Variants in EMX1 observed in about 807,000 individuals in gnomAD.
The protein encoded by EMX1 is homeobox protein EMX1.
A neutral mutation model predicts 20.1 loss-of-function variants in EMX1; 10 were observed. That is an observed-to-expected ratio of 0.50 (90% CI 0.31 to 0.84). The LOEUF (loss-of-function observed/expected upper bound fraction) is 0.84. Among genes scored for constraint, EMX1 ranks in the 40% least tolerant of loss-of-function variants. The probability of loss-of-function intolerance (pLI) is 0.05; values close to 1 mark genes in which losing one functional copy is unlikely to be tolerated. For missense variants in EMX1, 424 were observed against 431.9 expected (o/e 0.98, Z 0.16); for synonymous variants, 250 against 200.4 (o/e 1.25, Z -2.09).
chr2:72,916,855 T>G (rs917843050), upstream of EMX1: 15 of 717,108 alleles, frequency 2.1e-5, no homozygotes, highest in Non-Finnish European at 3.1e-5. Context: ...GCACCGTGTC[T>G]GGGCACTGGA....
chr2:72,922,423 A>G (rs539691288), intron 1 of EMX1, among the ~76,000 whole-genome samples: 1 of 152,124 alleles, frequency 6.6e-6, no homozygotes, highest in South Asian at 2.1e-4. Flanking sequence ...CTATTCCACT[A>G]TCCCAAGTCA....
In EMX1 at chr2:72,934,702, T is replaced by A. The variant is rs1435103931; in HGVS notation, c.*748T>A. On this transcript the variant is annotated 3_prime_UTR_variant, in exon 3 of 3. Coordinates refer to ENST00000258106, the MANE Select transcript of EMX1 (RefSeq NM_004097.3). ...CTAGAGACTCTGGTGGCTTCTCCAG[T>A]TGAGGAGAAACCAGAGGAAAGGGGA... The A allele has an allele frequency of 6.6e-6, 1 of 152,010 alleles. No individual in the cohort carries two copies. Among genetic ancestry groups the A allele is most frequent in the Non-Finnish European group, 1.5e-5 (1 of 67,996 alleles). The allele number at this position is 152,010 out of a possible 1,614,324, so 9.4% of individuals were successfully genotyped here.
Position 72,930,267 on chromosome 2 carries a change from GTAAA to G in EMX1, c.706-3510_706-3507del, listed in dbSNP as rs1276391107. ...CTCATAGTCTGGTGAGGAGGCAGAC[GTAAA>G]TAAATAAATTAGTGCACAGTGGGGG... On this transcript the variant is annotated intron_variant, in intron 2 of 2. Transcript: ENST00000258106. The surrounding 1 kb of genome is among the most constrained non-coding windows in gnomAD (Gnocchi z 4.4). Among the ~76,000 whole-genome samples the G allele has an allele frequency of 6.6e-6, 1 of 152,200 alleles. No individual in the cohort carries two copies. Among genetic ancestry groups the G allele is most frequent in the East Asian group, 1.9e-4 (1 of 5,200 alleles).
At position 72,934,227 on chromosome 2, in the gene EMX1, T is replaced by C; in HGVS notation, c.*273T>C. 1 of 479,380 alleles carries C rather than the reference T, an allele frequency of 2.1e-6. No individual in the cohort carries two copies. The highest frequency in any genetic ancestry group is 3.7e-6 in the Non-Finnish European group (1 of 270,040). 29.7% of individuals were successfully genotyped at this position (479,380 alleles called of 1,614,324 possible). On this transcript the variant is annotated 3_prime_UTR_variant, in exon 3 of 3. Transcript: ENST00000258106. Reference sequence around the variant, plus strand: ...CAGCCTCCCAGCTGCTCTCCGTGTCTCCAATCTCCCTTTTGTTTTGATGCA... The same window carrying C: ...CAGCCTCCCAGCTGCTCTCCGTGTCCCCAATCTCCCTTTTGTTTTGATGCA...
Position 72,924,475 on chromosome 2 carries a change from C to T in EMX1, c.687C>T (p.Leu229=). 6.3e-7 allele frequency: 1 copy of T among 1,591,118 alleles called. No homozygotes were observed. Among genetic ancestry groups the T allele is most frequent in the Non-Finnish European group, 8.5e-7 (1 of 1,173,094 alleles). Residue 229 remains leucine (L), a synonymous_variant, in exon 2 of 3, where the codon CTC becomes CTT. Coordinates refer to ENST00000258106, the MANE Select transcript of EMX1 (RefSeq NM_004097.3). ...AGCGGAAGCAGCTGGCCGGCAGTCT[C>T]AGCCTCTCCGAGACGCAGGTAATCA... ...GAERKQLAGS[L]SLSETQVKVW...
Position 72,924,393 on chromosome 2 carries a change from C to T in EMX1, c.605C>T (p.Ser202Leu). 1.3e-6 allele frequency: 2 copies of T among 1,596,154 alleles called. No individual in the cohort carries two copies. Among genetic ancestry groups the T allele is most frequent in the African/African-American group, 1.3e-5 (1 of 74,996 alleles). The change falls in exon 2 of 3, where the codon TCG becomes TTG. Residue 202 changes from serine to leucine, a missense_variant. Ser to Leu is a moderately radical substitution (Grantham distance 145, BLOSUM62 -2). Coordinates refer to ENST00000258106, the MANE Select transcript of EMX1 (RefSeq NM_004097.3). ...CGGATCCGCACGGCCTTCTCGCCCT[C>T]GCAGCTGCTGCGGCTGGAGCGCGCC... ...PKRIRTAFSP[S>L]QLLRLERAFE...
chr2:72,925,544 G>A (rs759703116), intron 2 of EMX1: 1 of 1,288,142 alleles, frequency 7.8e-7, no homozygotes, highest in South Asian at 1.2e-5. Context: ...GCGAGAGGCC[G>A]GCTCCGCGGT....
Position 72,917,932 on chromosome 2 carries a change from C to CT in EMX1, c.80_81insT (p.Ala28SerfsTer231). On this transcript the variant is annotated frameshift_variant, in exon 1 of 3. Transcript: ENST00000258106. LOFTEE classifies it high-confidence loss of function. ...CTCCCCAGAGCCCGGCTGCCTCGCA[C>CT]AGCTCCCGCGGCTGCGACCATGTTC... 6.7e-7 allele frequency: 1 copy of CT among 1,485,944 alleles called. No homozygotes were observed. The allele number at this position is 1,485,944 out of a possible 1,614,324, so 92.0% of individuals were successfully genotyped here.
intron 2 of EMX1, among the ~76,000 whole-genome samples, chr2:72,932,050 A>T (rs1671295773): frequency 6.6e-6 from 1 of 152,204 alleles, no homozygotes; most frequent in South Asian, 2.1e-4. Context: ...CCTTGTGGCT[A>T]AGGCCTGTGC....
intron 1 of EMX1, among the ~76,000 whole-genome samples, chr2:72,919,311 TTTC>T (rs1671059046): frequency 6.8e-6 from 1 of 146,500 alleles, no homozygotes; most frequent in African/African-American, 2.6e-5. Flanking sequence ...GTTTTTTTCT[TTTC>T]TTTTTTTTTA....
chr2:72,917,866 G>T lies in EMX1; in HGVS notation c.14G>T (p.Gly5Val). 6.8e-7 allele frequency: 1 copy of T among 1,470,500 alleles called. No individual in the cohort carries two copies. Among genetic ancestry groups the T allele is most frequent in the Non-Finnish European group, 8.9e-7 (1 of 1,118,114 alleles). 91.1% of individuals were successfully genotyped at this position (1,470,500 alleles called of 1,614,324 possible). The change falls in exon 1 of 3, where the codon GGG becomes GTG. Residue 5 changes from glycine (G) to valine (V), a missense_variant. Gly to Val is a moderately radical substitution (Grantham distance 109, BLOSUM62 -3). Around this residue, in one of 2 missense-constraint regions of EMX1, gnomAD observed 333 missense variants for 296.6 expected, o/e 1.12. Coordinates refer to ENST00000258106, the MANE Select transcript of EMX1 (RefSeq NM_004097.3). MCLA[G>V]CTPRKAAAPG... ...GGGCGGGTGTGCATGTGCCTGGCTG[G>T]GTGCACACCCCGCAAGGCGGCGGCG...
At chr2:72,923,001 A>G (rs1259767654) in intron 1 of EMX1, among the ~76,000 whole-genome samples, 2 of 152,176 alleles carry the variant, frequency 1.3e-5, no homozygotes, top group African/African-American at 2.4e-5. Context: ...GTGCCCTTAC[A>G]TGAGAATCCA....
chr2:72,918,897 G>A (rs1671048411), intron 1 of EMX1, among the ~76,000 whole-genome samples: 2 of 152,256 alleles, frequency 1.3e-5, no homozygotes, highest in Non-Finnish European at 2.9e-5. Context: ...AATGTTCAGT[G>A]TGGAGGGCCT....
At chr2:72,919,919 C>G (rs950642632) in intron 1 of EMX1, among the ~76,000 whole-genome samples, 59 of 152,228 alleles carry the variant, frequency 3.9e-4, no homozygotes, top group Non-Finnish European at 2.2e-4. Flanking sequence ...CGATCCGAAG[C>G]CTGGGTCTCG....
intron 2 of EMX1, chr2:72,925,716 C>T: frequency 8.1e-6 from 8 of 985,450 alleles, no homozygotes; most frequent in Non-Finnish European, 9.6e-6. Context: ...AGGAAGGGGG[C>T]TTAGTGAGGG....
At chr2:72,924,018 C>T (rs1400351060) in intron 1 of EMX1, 1 of 532,436 alleles carries the variant, frequency 1.9e-6, no homozygotes. Context: ...CACGCCTCGT[C>T]CGGCCTGCCC....
chr2:72,918,383 ACGCTGTGCCCGCCGAGGCGGCCGGCCGG>A lies in EMX1; in HGVS notation c.520+15_520+42del. On this transcript the variant is annotated intron_variant, in intron 1 of 2. Coordinates refer to ENST00000258106, the MANE Select transcript of EMX1 (RefSeq NM_004097.3). ...GCCACCGCTTCCAGGGTGAGTGTCC[ACGCTGTGCCCGCCGAGGCGGCCGGCCGG>A]CGCCCGTGCTGCGGCGATGCGGGGG... The A allele has an allele frequency of 7.2e-7, 1 of 1,379,834 alleles. No homozygotes were observed. The allele number at this position is 1,379,834 out of a possible 1,614,324, so 85.5% of individuals were successfully genotyped here. A position where few individuals can be genotyped will look rare whatever the true frequency, so the allele number is the denominator to read the frequency against.
upstream of EMX1, chr2:72,916,798 G>A (rs1313225902): frequency 5.6e-6 from 4 of 717,188 alleles, no homozygotes; most frequent in African/African-American, 5.2e-5. Flanking sequence ...GCGAGGGGGT[G>A]GATCTCCCAG....
chr2:72,924,280 G>A lies in EMX1; in HGVS notation c.521-29G>A, dbSNP rs1158966256. 5 of 1,553,266 alleles carry A rather than the reference G, an allele frequency of 3.2e-6. No homozygotes were observed. In the African/African-American group the frequency reaches 4.0e-5, roughly 13 times the overall value. ...GCCCCTTCTCTCTGTCTGTACCTGC[G>A]TGTGTTGCCGTCGGCGGCGGGGCCG... On this transcript the variant is annotated intron_variant, in intron 1 of 2. Coordinates refer to ENST00000258106, the MANE Select transcript of EMX1 (RefSeq NM_004097.3).
Sources: gnomAD v4.1 joint callset for allele counts (sites outside exome capture counted in the v4.1 genomes callset) on GRCh38, gnomAD v4.1.1 for gene constraint, gnomAD v4.1.1 regional missense constraint, Gnocchi (gnomAD v3.1) non-coding constraint, MANE v1.5 for transcripts, NCBI Gene and HGNC (gene_info 2026-07-23, HGNC 2026-07-21) for gene names.